Variants in DLGAP2 observed in about 807,000 individuals in gnomAD.
DLGAP2 encodes DLG associated protein 2.
In DLGAP2, 26 loss-of-function variants were observed where a neutral mutation model predicts 100.3. The observed-to-expected ratio is 0.26, with a 90% CI of 0.19 to 0.36. The LOEUF (loss-of-function observed/expected upper bound fraction) is 0.36, where lower values mean the gene tolerates loss of function less well. DLGAP2 is among the 10% of genes least tolerant of loss of function. DLGAP2 has a pLI of 1.00. For synonymous variants in DLGAP2, 886 were observed against 630.1 expected (o/e 1.41, Z -6.08); for missense variants, 1,858 against 1,453.2 (o/e 1.28, Z -4.53).
At chr8:1,288,558 GT>G (rs1799990450) in intron 3 of DLGAP2, among the ~76,000 whole-genome samples, 4 of 9,692 alleles carry the variant, frequency 4.1e-4, no homozygotes, top group African/African-American at 2.8e-3. Flanking sequence ...GTGTGTGTGT[GT>G]GGTTAGGAGG....
intron 3 of DLGAP2, among the ~76,000 whole-genome samples, chr8:1,483,268 T>G (rs191384001): frequency 6.6e-6 from 1 of 152,206 alleles, no homozygotes; most frequent in South Asian, 2.1e-4. Flanking sequence ...AGCCCAGGCT[T>G]TAAAATGCGT....
chr8:1,675,690 C>T (rs1798795436), intron 10 of DLGAP2, among the ~76,000 whole-genome samples: 3 of 152,164 alleles, frequency 2.0e-5, no homozygotes, highest in Admixed American at 2.0e-4. Context: ...TTAGCTATGA[C>T]ACTTCAGAGA....
At chr8:1,526,883 A>AG in intron 4 of DLGAP2, among the ~76,000 whole-genome samples, 1 of 152,278 alleles carries the variant, frequency 6.6e-6, no homozygotes, top group Non-Finnish European at 1.5e-5. Context: ...GAGCCTGGAA[A>AG]GGGGGCGGTG....
chr8:1,421,589 T>C (rs1174209611), intron 3 of DLGAP2, among the ~76,000 whole-genome samples: 2 of 152,318 alleles, frequency 1.3e-5, no homozygotes, highest in Non-Finnish European at 2.9e-5. Context: ...TATATTTTCA[T>C]ATATTGAAGA....
intron 2 of DLGAP2, among the ~76,000 whole-genome samples, chr8:941,680 G>T (rs891381432): frequency 1.3e-5 from 2 of 152,312 alleles, no homozygotes; most frequent in Middle Eastern, 3.4e-3. Context: ...GTCCTAAGCA[G>T]CTGTGTCCCC....
chr8:1,490,418 G>C (rs1467398292), intron 3 of DLGAP2, among the ~76,000 whole-genome samples: 2 of 152,202 alleles, frequency 1.3e-5, no homozygotes, highest in East Asian at 3.8e-4. Flanking sequence ...GAAGTTAAGA[G>C]CGTTTCAAAG....
At chr8:1,496,903 C>G (rs1032800083) in intron 3 of DLGAP2, among the ~76,000 whole-genome samples, 1 of 152,164 alleles carries the variant, frequency 6.6e-6, no homozygotes, top group Non-Finnish European at 1.5e-5. Flanking sequence ...GACGACCTTG[C>G]TACAGCTCCC....
chr8:1,225,140 C>T (rs944303827), intron 2 of DLGAP2, among the ~76,000 whole-genome samples: 4 of 152,220 alleles, frequency 2.6e-5, no homozygotes, highest in African/African-American at 9.6e-5. Flanking sequence ...CGTCCATGCT[C>T]ACAGCAGTGC....
intron 1 of DLGAP2, among the ~76,000 whole-genome samples, chr8:755,754 G>A (rs965003330): frequency 5.9e-5 from 9 of 152,104 alleles, no homozygotes; most frequent in African/African-American, 2.2e-4. Context: ...ATCCCCAGCT[G>A]GGGTGCCGTC....
Position 1,427,928 on chromosome 8 carries a change from A to T in DLGAP2, c.107-73438A>T, listed in dbSNP as rs554195305. ...AGTGCCGCAATGAATATTGTAAAAT[A>T]CTTGGAATTAATATAAAATGAACTT... is the stretch of plus-strand genomic sequence containing the variant. On this transcript the variant is annotated intron_variant, in intron 3 of 14. Coordinates refer to ENST00000637795, the MANE Select transcript of DLGAP2 (RefSeq NM_001346810.2). Among the ~76,000 whole-genome samples, 4 of 152,344 alleles carry T rather than the reference A, an allele frequency of 2.6e-5. No homozygotes were observed. In the East Asian group the frequency reaches 7.7e-4, roughly 29 times the overall value.
intron 4 of DLGAP2, among the ~76,000 whole-genome samples, chr8:1,517,162 C>T (rs1347432660): frequency 6.6e-6 from 1 of 152,052 alleles, no homozygotes; most frequent in South Asian, 2.1e-4. Context: ...GGGTGGAGGG[C>T]GAGTCCTGGA....
At chr8:951,992 C>G (rs534989146) in intron 2 of DLGAP2, among the ~76,000 whole-genome samples, 3 of 152,232 alleles carry the variant, frequency 2.0e-5, no homozygotes, top group Admixed American at 6.5e-5. Flanking sequence ...GGTTCCTCCA[C>G]TTGGACTTTG....
At chr8:1,029,518 G>A (rs1032681424) in intron 2 of DLGAP2, among the ~76,000 whole-genome samples, 42 of 151,892 alleles carry the variant, frequency 2.8e-4, no homozygotes, top group Admixed American at 2.7e-3. Flanking sequence ...CAGCGGTGCC[G>A]AGAGGTTCGG....
chr8:1,442,149 T>G lies in DLGAP2; in HGVS notation c.107-59217T>G, dbSNP rs1260955482. ...CAGGCATAGACCCTCTGGGCTGCTG[T>G]GGGTTCAGCCACTGGAGGAGGAGAT... On this transcript the variant is annotated intron_variant, in intron 3 of 14. Coordinates refer to ENST00000637795, the MANE Select transcript of DLGAP2 (RefSeq NM_001346810.2). Among the ~76,000 whole-genome samples, 4 of 152,232 alleles carry G rather than the reference T, an allele frequency of 2.6e-5. No homozygotes were observed. In the South Asian group the frequency reaches 8.4e-4, roughly 32 times the overall value.
intron 4 of DLGAP2, among the ~76,000 whole-genome samples, chr8:1,534,828 C>T (rs117061617): frequency 0.038 from 5,765 of 152,228 alleles, 166 homozygotes; most frequent in Admixed American, 0.063. Context: ...TGTGCGTGTG[C>T]GCACGTGTGC....
intron 1 of DLGAP2, among the ~76,000 whole-genome samples, chr8:853,667 C>T (rs1049912921): frequency 7.9e-5 from 12 of 152,230 alleles, no homozygotes; most frequent in African/African-American, 2.9e-4. Flanking sequence ...AGTCTCAGGC[C>T]TGCAGCCACA....
intron 2 of DLGAP2, among the ~76,000 whole-genome samples, chr8:1,091,872 G>A (rs967077403): frequency 6.0e-5 from 9 of 151,042 alleles, no homozygotes; most frequent in South Asian, 2.1e-4. Context: ...TCTTTCGCTC[G>A]TTCTGCTTTT....
chr8:1,138,690 A>C (rs989597009), intron 2 of DLGAP2, among the ~76,000 whole-genome samples: 15 of 152,372 alleles, frequency 9.8e-5, no homozygotes, highest in Middle Eastern at 6.8e-3. Context: ...TTTTGAAGCC[A>C]AGTTTCAGTC....
intron 2 of DLGAP2, among the ~76,000 whole-genome samples, chr8:1,255,375 C>A (rs1248226936): frequency 7.7e-6 from 1 of 129,558 alleles, no homozygotes; most frequent in African/African-American, 3.1e-5. Flanking sequence ...CCCTCTCATC[C>A]TGCCCGGGTG....
Sources: allele counts gnomAD v4.1 joint callset (sites outside exome capture counted in the v4.1 genomes callset), GRCh38; gene constraint gnomAD v4.1.1; transcripts MANE v1.5; gene names NCBI Gene and HGNC (gene_info 2026-07-23, HGNC 2026-07-21).